Variants in UROC1 observed in about 807,000 individuals in gnomAD.
UROC1 encodes urocanate hydratase 1.
A neutral mutation model predicts 89.5 loss-of-function variants in UROC1; 79 were observed. The observed-to-expected ratio is 0.88, with a 90% CI of 0.74 to 1.06. The LOEUF is 1.06. Ranked by LOEUF, UROC1 falls within the 50% of genes least tolerant of loss-of-function variation. The probability of loss-of-function intolerance (pLI) is 0.00; values close to 1 mark genes in which losing one functional copy is unlikely to be tolerated. For missense variants in UROC1, 885 were observed against 907.8 expected, an observed-to-expected ratio of 0.97 and a Z score of 0.32; for synonymous variants, 361 against 354.8, an observed-to-expected ratio of 1.02 and a Z score of -0.20.
intron 8 of UROC1, 58 bp from the exon 9 acceptor site, chr3:126,504,141 C>T (rs993124630): frequency 6.4e-7 from 1 of 1,565,494 alleles, no homozygotes; most frequent in Non-Finnish European, 8.8e-7. Context: ...CAAATCTTCC[C>T]TAAGTGTATC....
chr3:126,498,531 G>T (rs1428052560), intron 13 of UROC1, among the ~76,000 whole-genome samples: 6 of 152,042 alleles, frequency 3.9e-5, no homozygotes, highest in Non-Finnish European at 8.8e-5. Flanking sequence ...TGGGGAACTC[G>T]CCCTAGGTGA....
rs925548872 is a variant in UROC1 at position 126,507,897 on chromosome 3, T to G, written c.540+70A>C. 1.2e-5 allele frequency: 20 copies of G among 1,612,698 alleles called. No homozygotes were observed. In the East Asian group the frequency reaches 2.0e-4, roughly 16 times the overall value. On this transcript the variant is annotated intron_variant, in intron 5 of 19. Coordinates refer to ENST00000290868, the MANE Select transcript of UROC1 (RefSeq NM_144639.3). ...GATGCACAGCGTTGGGGCACTGGGCTTTCTTTCCAGCGTCTGCACCCTCTC... is the reference window on the plus strand; with the variant it reads ...GATGCACAGCGTTGGGGCACTGGGCGTTCTTTCCAGCGTCTGCACCCTCTC...
Position 126,508,592 on chromosome 3 carries a change from A to G in UROC1, c.352-117T>C, listed in dbSNP as rs1313002592. 5.1e-6 allele frequency: 4 copies of G among 786,696 alleles called. No individual in the cohort carries two copies. The East Asian group carries it at 1.1e-4, about 22-fold the overall frequency. 48.7% of individuals were successfully genotyped at this position (786,696 alleles called of 1,614,324 possible). On this transcript the variant is annotated intron_variant, in intron 3 of 19. Coordinates refer to ENST00000290868, the MANE Select transcript of UROC1 (RefSeq NM_144639.3). Reference sequence around the variant, plus strand: ...GCCCAATGGGACAAGGAGAGAAGCCAGAAGGGTGAGGCCCAGGGACGGACA... The same window carrying G: ...GCCCAATGGGACAAGGAGAGAAGCCGGAAGGGTGAGGCCCAGGGACGGACA...
intron 19 of UROC1, 136 bp from the exon 20 acceptor site, chr3:126,482,621 G>T: frequency 1.5e-6 from 2 of 1,334,868 alleles, no homozygotes. Flanking sequence ...TTTTGTGTCT[G>T]CCCCATTTCC....
At chr3:126,483,776 T>C (rs1256532086) in intron 18 of UROC1, among the ~76,000 whole-genome samples, 1 of 152,246 alleles carries the variant, frequency 6.6e-6, no homozygotes, top group Non-Finnish European at 1.5e-5. Context: ...CAGTGGGCTA[T>C]AGCTGCCCCC....
At position 126,511,081 on chromosome 3, in the gene UROC1, C is replaced by G. The variant is rs1016845867; in HGVS notation, c.127-287G>C. ...GTTCTGGGGATGGCGCTGCTTACCCCCAGGCAGGCACCAGAGAGGGGCCTG... is the reference window on the plus strand; with the variant it reads ...GTTCTGGGGATGGCGCTGCTTACCCGCAGGCAGGCACCAGAGAGGGGCCTG... On this transcript the variant is annotated intron_variant, in intron 1 of 19. Transcript: ENST00000290868. Among the ~76,000 whole-genome samples, 65 of 152,072 alleles carry G rather than the reference C, an allele frequency of 4.3e-4. 2 individuals carry two copies. The highest frequency in any genetic ancestry group is 5.2e-4 in the Admixed American group (8 of 15,278).
intron 1 of UROC1, among the ~76,000 whole-genome samples, chr3:126,512,889 G>T (rs1204888756): frequency 2.0e-5 from 3 of 152,154 alleles, no homozygotes; most frequent in Non-Finnish European, 2.9e-5. Context: ...TTTCTTGATC[G>T]CAGTCCAGTA....
In UROC1 at chr3:126,505,557, G is replaced by T. The variant is rs549239856; in HGVS notation, c.813+144C>A. On this transcript the variant is annotated intron_variant, in intron 8 of 19. Coordinates refer to ENST00000290868, the MANE Select transcript of UROC1 (RefSeq NM_144639.3). ...AACCCACCCAGTGAGGTCCAGTGGG[G>T]CTTCGTGGAGGAGGCAAGGGTGGCC... 38 of 1,335,140 alleles carry T rather than the reference G, an allele frequency of 2.8e-5. No individual in the cohort carries two copies. The South Asian group carries it at 3.3e-4, about 12-fold the overall frequency. The allele number at this position is 1,335,140 out of a possible 1,614,324, so 82.7% of individuals were successfully genotyped here.
At position 126,500,832 on chromosome 3, in the gene UROC1, C is replaced by G; in HGVS notation, c.1008G>C (p.Leu336Phe). Residue 336 changes from leucine to phenylalanine, a missense_variant, in exon 11 of 20, where the codon TTG becomes TTC. Transcript: ENST00000290868. ...ATGTCTGATCTGACCCCAGGTCCAC[C>G]AAGCACTCCCCCGTCGTGTCCAATT... The part of the protein sequence containing the change: ...VHELDTTGEC[L>F]VDLGSDQTSC... 4 of 1,613,964 alleles carry G rather than the reference C, an allele frequency of 2.5e-6. No individual in the cohort carries two copies. Among genetic ancestry groups the G allele is most frequent in the Non-Finnish European group, 3.4e-6 (4 of 1,180,038 alleles).
intron 8 of UROC1, among the ~76,000 whole-genome samples, chr3:126,504,534 G>C (rs949071366): frequency 1.3e-5 from 2 of 152,216 alleles, no homozygotes; most frequent in South Asian, 4.1e-4. Flanking sequence ...GGCAGCCATT[G>C]TTTCTACAAG....
Position 126,504,092 on chromosome 3 carries a change from A to G in UROC1, c.814-9T>C, listed in dbSNP as rs1160931904. On this transcript the variant is annotated splice_polypyrimidine_tract_variant and intron_variant, in intron 8 of 19. Coordinates refer to ENST00000290868, the MANE Select transcript of UROC1 (RefSeq NM_144639.3). ...AGGGCTGCTTTATCCACCTGGGGCC[A>G]TGAGACATGGGGCCACGAGACATGG... The G allele has an allele frequency of 2.5e-6, 4 of 1,613,928 alleles. No individual in the cohort carries two copies. The highest frequency in any genetic ancestry group is 4.5e-5 in the East Asian group (2 of 44,892).
At position 126,488,226 on chromosome 3, in the gene UROC1, C is replaced by T. The variant is rs747955739; in HGVS notation, c.1762G>A (p.Ala588Thr). 11 of 1,614,114 alleles carry T rather than the reference C, an allele frequency of 6.8e-6. No individual in the cohort carries two copies. The highest frequency in any genetic ancestry group is 6.7e-5 in the East Asian group (3 of 44,898). Residue 588 changes from alanine (A) to threonine (T), a missense_variant, in exon 18 of 20, where the codon GCC (alanine) becomes ACC (threonine). Physicochemically the swap from Ala to Thr is moderately conservative, Grantham distance 58. Coordinates refer to ENST00000290868, the MANE Select transcript of UROC1 (RefSeq NM_144639.3). ...CCCACGCCCCCTCCGTTGTGAAGGG[C>T]GACCCAGGTGGCTCCGCGACAGGCA... ...GDACRGATWV[A>T]LHNGGGVGWG... is the part of the protein sequence containing the mutation.
At chr3:126,503,637 T>A (rs572948836) in intron 9 of UROC1, among the ~76,000 whole-genome samples, 3 of 152,298 alleles carry the variant, frequency 2.0e-5, no homozygotes, top group Non-Finnish European at 4.4e-5. Context: ...GAAAAGAAGA[T>A]TCATGCTTCG....
chr3:126,513,030 T>C (rs932421454), intron 1 of UROC1, among the ~76,000 whole-genome samples: 1 of 152,226 alleles, frequency 6.6e-6, no homozygotes, highest in African/African-American at 2.4e-5. Flanking sequence ...GAACTCTGCC[T>C]CGGGCATCAG....
chr3:126,490,401 T>G (rs982294728), intron 16 of UROC1, among the ~76,000 whole-genome samples: 1 of 151,844 alleles, frequency 6.6e-6, no homozygotes, highest in African/African-American at 2.4e-5. Flanking sequence ...TGAAAAGGAG[T>G]CCTGGCCGGG....
At chr3:126,489,205 G>C (rs1025235699) in intron 17 of UROC1, 71 bp downstream of exon 17, 2 of 1,408,774 alleles carry the variant, frequency 1.4e-6, no homozygotes, top group Admixed American at 3.4e-5. Flanking sequence ...CATTGTGACT[G>C]ACTAAATGCA....
At chr3:126,489,666 A>G (rs1935600427) in intron 16 of UROC1, among the ~76,000 whole-genome samples, 1 of 152,218 alleles carries the variant, frequency 6.6e-6, no homozygotes, top group Non-Finnish European at 1.5e-5. Flanking sequence ...GCGGAGGCAC[A>G]GAGAGGAGAA....
intron 19 of UROC1, 40 bp from the exon 20 acceptor site, chr3:126,482,525 C>A: frequency 1.2e-6 from 2 of 1,613,458 alleles, no homozygotes; most frequent in Non-Finnish European, 1.7e-6. Flanking sequence ...GTCAACATAA[C>A]CGGGCTCCCC....
Position 126,484,283 on chromosome 3 carries a change from A to G in UROC1, c.1791-815T>C, listed in dbSNP as rs186791691. On this transcript the variant is annotated intron_variant, in intron 18 of 19. Transcript: ENST00000290868. ...TGCATGTGCACTGGAGCTGTTCCCC[A>G]TCAGCCTGGGATGACCTTCCCCATC... Among the ~76,000 whole-genome samples the G allele has an allele frequency of 4.6e-4, 70 of 152,244 alleles. No individual in the cohort carries two copies. The East Asian group carries it at 0.012, about 27-fold the overall frequency.
Sources: allele counts gnomAD v4.1 joint callset (sites outside exome capture counted in the v4.1 genomes callset), GRCh38; gene constraint gnomAD v4.1.1; transcripts MANE v1.5; gene names NCBI Gene and HGNC (gene_info 2026-07-23, HGNC 2026-07-21).